LYAR: variants seen among roughly 807,000 people sequenced by gnomAD.
LYAR encodes Ly1 antibody reactive, also known as cell growth-regulating nucleolar protein.
A neutral mutation model predicts 45.2 loss-of-function variants in LYAR; 37 were observed. That is an observed-to-expected ratio of 0.82 (90% CI 0.63 to 1.08). LYAR has a LOEUF of 1.08. LYAR is among the 50% of genes least tolerant of loss of function. LYAR has a pLI of 0.00. For synonymous variants in LYAR, 176 were observed against 155.1 expected, an observed-to-expected ratio of 1.14 and a Z score of -1.00; for missense variants, 493 against 451.0, an observed-to-expected ratio of 1.09 and a Z score of -0.84.
At chr4:4,283,844 A>C (rs1560097490) in intron 2 of LYAR, 49 bp from the exon 3 acceptor site, 1 of 855,580 alleles carries the variant, frequency 1.2e-6, no homozygotes, top group African/African-American at 1.7e-5. Flanking sequence ...TTCTCATTTC[A>C]ATAAATGGCT....
intron 6 of LYAR, among the ~76,000 whole-genome samples, chr4:4,276,739 C>T (rs1447835271): frequency 2.0e-5 from 3 of 149,970 alleles, no homozygotes; most frequent in African/African-American, 4.9e-5. Context: ...CGCCTGTAAT[C>T]CTAGCTACTC....
chr4:4,272,455 A>G (rs1718974433), intron 8 of LYAR, among the ~76,000 whole-genome samples: 1 of 152,232 alleles, frequency 6.6e-6, no homozygotes, highest in Non-Finnish European at 1.5e-5. Context: ...ATATTCATTC[A>G]TGCCTATGAC....
chr4:4,287,974 A>AC (rs1180477892), intron 1 of LYAR, among the ~76,000 whole-genome samples: 2 of 152,342 alleles, frequency 1.3e-5, no homozygotes, highest in South Asian at 4.1e-4. Flanking sequence ...GGAACTTGTT[A>AC]GTCTTCTCTT....
chr4:4,274,000 G>A (rs1425499679), intron 7 of LYAR, among the ~76,000 whole-genome samples: 2 of 152,190 alleles, frequency 1.3e-5, no homozygotes, highest in Non-Finnish European at 2.9e-5. Flanking sequence ...ACTTTGGGAG[G>A]CCGAGGGGGG....
intron 8 of LYAR, among the ~76,000 whole-genome samples, chr4:4,269,500 G>T (rs2108836051): frequency 6.6e-6 from 1 of 152,232 alleles, no homozygotes; most frequent in East Asian, 1.9e-4. Flanking sequence ...ATCCACACAG[G>T]CCGGTCATGA....
intron 6 of LYAR, among the ~76,000 whole-genome samples, chr4:4,275,813 A>G (rs1481483773): frequency 6.6e-6 from 1 of 152,124 alleles, no homozygotes; most frequent in Non-Finnish European, 1.5e-5. Context: ...CTCCTGTCTC[A>G]GCCTTCTGAG....
At chr4:4,278,642 C>T (rs1461467224) in intron 6 of LYAR, among the ~76,000 whole-genome samples, 1 of 152,216 alleles carries the variant, frequency 6.6e-6, no homozygotes, top group East Asian at 1.9e-4. Flanking sequence ...TCATGCACCA[C>T]CACCTGGGAT....
rs773494053 is a variant in LYAR at position 4,274,633 on chromosome 4, C to T, written c.566G>A (p.Arg189Lys). 1.9e-6 allele frequency: 3 copies of T among 1,614,008 alleles called. No homozygotes were observed. The highest frequency in any genetic ancestry group is 4.5e-5 in the East Asian group (2 of 44,880). Residue 189 changes from arginine (R) to lysine (K), a missense_variant, in exon 7 of 10, where the codon AGA becomes AAA. Transcript: ENST00000343470. ...EQQGEVKKNKRERKEERQKKR... is the reference protein window; with the variant it reads ...EQQGEVKKNKKERKEERQKKR... The stretch of plus-strand genomic sequence containing the variant: ...CTTCTGCCGTTCTTCCTTTCTTTCT[C>T]TTTTATTCTTCTTCACCTCCCCTTG...
chr4:4,269,179 G>A (rs1198984613), intron 8 of LYAR, among the ~76,000 whole-genome samples: 2 of 152,102 alleles, frequency 1.3e-5, no homozygotes, highest in Admixed American at 1.3e-4. Flanking sequence ...AGCAACACGG[G>A]GTGAGCTTCT....
intron 8 of LYAR, among the ~76,000 whole-genome samples, chr4:4,271,927 G>C (rs1718951217): frequency 6.6e-6 from 1 of 152,230 alleles, no homozygotes; most frequent in Admixed American, 6.5e-5. Flanking sequence ...ATATTGGTCA[G>C]TTCAGCAACC....
At chr4:4,276,465 C>T (rs1295935244) in intron 6 of LYAR, among the ~76,000 whole-genome samples, 1 of 151,800 alleles carries the variant, frequency 6.6e-6, no homozygotes, top group Non-Finnish European at 1.5e-5. Context: ...ATCACTTGAA[C>T]CCGGAAGGTG....
At chr4:4,277,001 T>G (rs1196795305) in intron 6 of LYAR, among the ~76,000 whole-genome samples, 1 of 152,102 alleles carries the variant, frequency 6.6e-6, no homozygotes, top group African/African-American at 2.4e-5. Context: ...CAAAGAAACT[T>G]CACATCTGTC....
chr4:4,288,072 A>G (rs1401701793), intron 1 of LYAR, among the ~76,000 whole-genome samples: 2 of 152,228 alleles, frequency 1.3e-5, no homozygotes, highest in African/African-American at 2.4e-5. Context: ...TAATGTCAAA[A>G]AAGTCATTAA....
At chr4:4,279,824 G>A in intron 4 of LYAR, 75 bp from the exon 5 acceptor site, 1 of 966,986 alleles carries the variant, frequency 1.0e-6, no homozygotes, top group Non-Finnish European at 1.6e-6. Flanking sequence ...AATTGAAAAA[G>A]TCCTTGCCAT....
chr4:4,279,889 A>T (rs12646164), intron 4 of LYAR, 140 bp from the exon 5 acceptor site: 5 of 611,952 alleles, frequency 8.2e-6, no homozygotes, highest in Non-Finnish European at 1.4e-5. Context: ...TATGCTTAAA[A>T]ATATATAGGT....
intron 9 of LYAR, 93 bp from the exon 10 acceptor site, chr4:4,268,116 AAAT>A: frequency 8.2e-7 from 1 of 1,216,138 alleles, no homozygotes; most frequent in Non-Finnish European, 1.1e-6. Context: ...CAACAGGAAA[AAAT>A]AAAAGAAACC....
At chr4:4,282,297 CAG>C (rs1214062223) in intron 3 of LYAR, among the ~76,000 whole-genome samples, 3 of 152,062 alleles carry the variant, frequency 2.0e-5, no homozygotes, top group African/African-American at 7.2e-5. Flanking sequence ...AAATCAAAAA[CAG>C]ATATAAAATG....
intron 6 of LYAR, among the ~76,000 whole-genome samples, chr4:4,278,448 C>A (rs1214002785): frequency 6.6e-6 from 1 of 152,148 alleles, no homozygotes; most frequent in Non-Finnish European, 1.5e-5. Context: ...CTCTATTCAA[C>A]CATTTTGACT....
At chr4:4,271,378 T>C (rs1284849602) in intron 8 of LYAR, among the ~76,000 whole-genome samples, 1 of 152,250 alleles carries the variant, frequency 6.6e-6, no homozygotes, top group Non-Finnish European at 1.5e-5. Context: ...AGTACTCCGC[T>C]GTGTACATGC....
Sources: allele counts gnomAD v4.1 joint callset (sites outside exome capture counted in the v4.1 genomes callset), GRCh38; gene constraint gnomAD v4.1.1; transcripts MANE v1.5; gene names NCBI Gene and HGNC (gene_info 2026-07-23, HGNC 2026-07-21).